The following PRKACB variants were observed in gnomAD, a reference collection of about 807,000 sequenced individuals.
The protein encoded by PRKACB is protein kinase cAMP-activated catalytic subunit beta.
A neutral mutation model predicts 51.4 loss-of-function variants in PRKACB; 16 were observed. The observed-to-expected ratio is 0.31, with a 90% CI of 0.21 to 0.47. The LOEUF (loss-of-function observed/expected upper bound fraction) is 0.47. Ranked by LOEUF, PRKACB falls within the 20% of genes least tolerant of loss-of-function variation. The probability of loss-of-function intolerance (pLI) is 1.00; values close to 1 mark genes in which losing one functional copy is unlikely to be tolerated. For missense variants in PRKACB, 309 were observed against 464.5 expected (o/e 0.67, Z 3.08); for synonymous variants, 147 against 154.4 (o/e 0.95, Z 0.35).
At chr1:84,092,059 A>C (rs776156018) in intron 1 of PRKACB, among the ~76,000 whole-genome samples, 4 of 152,198 alleles carry the variant, frequency 2.6e-5, no homozygotes, top group Non-Finnish European at 5.9e-5. Context: ...TTGAGAAACT[A>C]TGTTACAGTA....
intron 1 of PRKACB, among the ~76,000 whole-genome samples, chr1:84,106,659 G>A (rs1649776021): frequency 6.6e-6 from 1 of 151,948 alleles, no homozygotes; most frequent in East Asian, 1.9e-4. Context: ...GAATCAATAT[G>A]GTTAAAATGG....
At chr1:84,120,799 T>C (rs549817233) in intron 1 of PRKACB, among the ~76,000 whole-genome samples, 2 of 152,182 alleles carry the variant, frequency 1.3e-5, no homozygotes, top group Non-Finnish European at 1.5e-5. Flanking sequence ...ATTTTTATAA[T>C]TGATAGTCAT....
intron 1 of PRKACB, among the ~76,000 whole-genome samples, chr1:84,159,719 T>A (rs1655953260): frequency 6.6e-6 from 1 of 152,062 alleles, no homozygotes; most frequent in Non-Finnish European, 1.5e-5. Flanking sequence ...AAGTATAGAG[T>A]TTCCCCTGCC....
chr1:84,180,208 A>ATATATATATATGTG (rs933229907), intron 2 of PRKACB, among the ~76,000 whole-genome samples: 3 of 129,942 alleles, frequency 2.3e-5, no homozygotes, highest in African/African-American at 8.1e-5. Context: ...ATATATATAT[A>ATATATATATATGTG]TGTATGATGG....
At chr1:84,126,305 A>C (rs1223860028) in intron 1 of PRKACB, among the ~76,000 whole-genome samples, 1 of 152,162 alleles carries the variant, frequency 6.6e-6, no homozygotes, top group Non-Finnish European at 1.5e-5. Flanking sequence ...GTGAATGTGG[A>C]GGATTTTACT....
chr1:84,175,937 C>T (rs903513638), intron 1 of PRKACB: 6 of 646,254 alleles, frequency 9.3e-6, no homozygotes, highest in African/African-American at 3.8e-5. Flanking sequence ...TTTGTAGTAT[C>T]TACTTTGTTC....
chr1:84,115,985 G>T (rs553107582), intron 1 of PRKACB, among the ~76,000 whole-genome samples: 2 of 143,196 alleles, frequency 1.4e-5, no homozygotes, highest in African/African-American at 5.2e-5. Context: ...TTTATAATTT[G>T]TGGTCTTACA....
chr1:84,186,206 A>C (rs1198596851), intron 5 of PRKACB, among the ~76,000 whole-genome samples: 2 of 79,618 alleles, frequency 2.5e-5, no homozygotes, highest in Non-Finnish European at 5.0e-5. Context: ...TGGAAAATAT[A>C]ATTTTTTTGT....
intron 1 of PRKACB, among the ~76,000 whole-genome samples, chr1:84,112,003 T>G (rs369272545): frequency 1.1e-3 from 164 of 152,270 alleles, no homozygotes; most frequent in African/African-American, 3.8e-3. Flanking sequence ...TAATTACAAC[T>G]GTGTACTTCA....
At chr1:84,086,270 G>A in intron 1 of PRKACB, 2 of 1,403,660 alleles carry the variant, frequency 1.4e-6, no homozygotes, top group South Asian at 2.3e-5. Context: ...TGCCCCCATG[G>A]GACCCCAGTA....
At chr1:84,182,840 A>G (rs1486356328) in intron 3 of PRKACB, among the ~76,000 whole-genome samples, 1 of 152,056 alleles carries the variant, frequency 6.6e-6, no homozygotes, top group African/African-American at 2.4e-5. Flanking sequence ...ATGGACAACT[A>G]TAATTTATTG....
At chr1:84,194,833 T>C (rs1667768285) in intron 5 of PRKACB, among the ~76,000 whole-genome samples, 1 of 151,774 alleles carries the variant, frequency 6.6e-6, no homozygotes, top group Non-Finnish European at 1.5e-5. Context: ...AGCTACTCGG[T>C]AGACTGAGGT....
At chr1:84,096,523 A>G (rs910522507) in intron 1 of PRKACB, among the ~76,000 whole-genome samples, 14 of 150,906 alleles carry the variant, frequency 9.3e-5, no homozygotes, top group African/African-American at 3.1e-4. Context: ...CTTTCTACCA[A>G]TTGAGGAAAT....
chr1:84,168,519 A>C (rs1056640744), intron 1 of PRKACB, among the ~76,000 whole-genome samples: 8 of 151,574 alleles, frequency 5.3e-5, no homozygotes, highest in African/African-American at 1.9e-4. Flanking sequence ...AGCACCATAC[A>C]GACTTGAATA....
intron 1 of PRKACB, among the ~76,000 whole-genome samples, chr1:84,150,331 T>C (rs1018694585): frequency 1.3e-5 from 2 of 152,080 alleles, no homozygotes; most frequent in African/African-American, 2.4e-5. Flanking sequence ...ATTGTAAAAT[T>C]TATTCTCAAA....
At chr1:84,204,611 C>A in intron 8 of PRKACB, 2 of 1,263,344 alleles carry the variant, frequency 1.6e-6, no homozygotes, top group Non-Finnish European at 2.1e-6. Flanking sequence ...ATGAGAGAAC[C>A]AAAATACATT....
At chr1:84,125,783 C>T (rs1314805338) in intron 1 of PRKACB, among the ~76,000 whole-genome samples, 2 of 152,298 alleles carry the variant, frequency 1.3e-5, no homozygotes, top group African/African-American at 4.8e-5. Context: ...GTTTCAGACT[C>T]ATATTCAGCT....
At chr1:84,091,813 T>G (rs1648498073) in intron 1 of PRKACB, among the ~76,000 whole-genome samples, 1 of 152,136 alleles carries the variant, frequency 6.6e-6, no homozygotes, top group Non-Finnish European at 1.5e-5. Flanking sequence ...CTTGTTCTAT[T>G]ACTCACACAA....
intron 1 of PRKACB, among the ~76,000 whole-genome samples, chr1:84,169,052 A>C (rs1191859381): frequency 6.6e-6 from 1 of 151,652 alleles, no homozygotes; most frequent in African/African-American, 2.4e-5. Flanking sequence ...AGAAGGGCCA[A>C]AGAAAAACCA....
Sources: gnomAD v4.1 joint callset for allele counts (sites outside exome capture counted in the v4.1 genomes callset) on GRCh38, gnomAD v4.1.1 for gene constraint, MANE v1.5 for transcripts, NCBI Gene and HGNC (gene_info 2026-07-23, HGNC 2026-07-21) for gene names.